CASTOR2: variants seen among roughly 807,000 people sequenced by gnomAD.
CASTOR2 encodes the protein GATS protein like 2.
CASTOR2 carries 8 observed loss-of-function variants against 31.2 expected under a neutral mutation model. That is an observed-to-expected ratio of 0.26 (90% CI 0.15 to 0.46). CASTOR2 has a LOEUF of 0.46. Among genes scored for constraint, CASTOR2 ranks in the 20% least tolerant of loss-of-function variants. The probability of loss-of-function intolerance (pLI) is 0.99; values close to 1 mark genes in which losing one functional copy is unlikely to be tolerated. For missense variants in CASTOR2, 216 were observed against 382.1 expected (o/e 0.57, Z 3.62); for synonymous variants, 162 against 158.7 (o/e 1.02, Z -0.16).
At chr7:75,020,712 A>G (rs1220570454) in intron 6 of CASTOR2, among the ~76,000 whole-genome samples, 1 of 151,696 alleles carries the variant, frequency 6.6e-6, no homozygotes, top group Non-Finnish European at 1.5e-5. Flanking sequence ...GATGGTCTGG[A>G]TCTCCTGACC....
intron 1 of CASTOR2, among the ~76,000 whole-genome samples, chr7:74,982,427 C>T (rs1197262444): frequency 1.3e-5 from 2 of 151,930 alleles, no homozygotes; most frequent in South Asian, 2.1e-4. Flanking sequence ...GCAGATCTCG[C>T]GGTGAATTTC....
At chr7:74,984,688 C>T (rs1414017027) in intron 1 of CASTOR2, among the ~76,000 whole-genome samples, 2 of 152,174 alleles carry the variant, frequency 1.3e-5, no homozygotes, top group South Asian at 2.1e-4. Context: ...AGGCCCACCG[C>T]CATGCCCTTT....
chr7:75,009,336 C>G (rs1169345516), intron 2 of CASTOR2, among the ~76,000 whole-genome samples: 2 of 117,836 alleles, frequency 1.7e-5, no homozygotes, highest in Non-Finnish European at 3.2e-5. Context: ...GTGGTGTGAT[C>G]TCAGCACTGC....
chr7:74,994,375 G>A (rs2131933933), intron 1 of CASTOR2, among the ~76,000 whole-genome samples: 1 of 152,320 alleles, frequency 6.6e-6, no homozygotes, highest in South Asian at 2.1e-4. Flanking sequence ...CATCTATAGG[G>A]TGGTGGCTCA....
chr7:74,974,311 T>C lies in CASTOR2; in HGVS notation c.113+9213T>C, dbSNP rs1344353832. On this transcript the variant is annotated intron_variant, in intron 1 of 8. Transcript: ENST00000616305. ...CTCTGTTCACTGAGAAACCCCGCAG[T>C]GTATACCTGCTGTAGGCAGGGCCTG... Among the ~76,000 whole-genome samples the C allele has an allele frequency of 2.7e-5, 4 of 148,610 alleles. No homozygotes were observed. In the Admixed American group the frequency reaches 2.7e-4, roughly 10 times the overall value.
At chr7:74,983,843 A>T (rs1246139053) in intron 1 of CASTOR2, among the ~76,000 whole-genome samples, 12 of 151,250 alleles carry the variant, frequency 7.9e-5, no homozygotes, top group Admixed American at 3.3e-4. Flanking sequence ...GCCAGAGTTC[A>T]GTGGCAAAAT....
rs1183993469 is a variant in CASTOR2 at position 74,964,858 on chromosome 7, C to T, written c.-128C>T. 9.0e-5 allele frequency: 3 copies of T among 33,252 alleles called. No individual in the cohort carries two copies. The highest frequency in any genetic ancestry group is 3.6e-4 in the African/African-American group (3 of 8,312). The allele number at this position is 33,252 out of a possible 1,614,324, so 2.1% of individuals were successfully genotyped here. On this transcript the variant is annotated 5_prime_UTR_variant, in exon 1 of 9. Coordinates refer to ENST00000616305, the MANE Select transcript of CASTOR2 (RefSeq NM_001145064.3). ...TCCGGCCCGGCCCGGCCGCCGCCGC[C>T]CCCCGCGCCCGGCGCCGAGCTCCCG...
intron 1 of CASTOR2, among the ~76,000 whole-genome samples, chr7:74,973,333 CTTTTTT>C (rs1200356756): frequency 1.2e-5 from 1 of 80,338 alleles, no homozygotes. Flanking sequence ...CTCCAGTAAG[CTTTTTT>C]TTTTTTTTTT....
At chr7:75,019,153 G>A (rs1476486188) in intron 5 of CASTOR2, 58 bp downstream of exon 5, 66 of 1,551,410 alleles carry the variant, frequency 4.3e-5, no homozygotes, top group Admixed American at 2.0e-4. Context: ...GCATGGCTCC[G>A]CCTAGGAGTC....
intron 2 of CASTOR2, among the ~76,000 whole-genome samples, chr7:75,011,827 C>T (rs1804756319): frequency 6.7e-6 from 1 of 149,654 alleles, no homozygotes; most frequent in Non-Finnish European, 1.5e-5. Context: ...ATTAGCTGGG[C>T]GTGGTGGCGC....
At chr7:74,995,778 A>C (rs1804331355) in intron 1 of CASTOR2, among the ~76,000 whole-genome samples, 1 of 151,736 alleles carries the variant, frequency 6.6e-6, no homozygotes, top group Non-Finnish European at 1.5e-5. Flanking sequence ...ACTGCGCTCC[A>C]GCCTGGGCAA....
At chr7:75,023,292 A>T (rs1295751725) in intron 7 of CASTOR2, among the ~76,000 whole-genome samples, 1 of 152,108 alleles carries the variant, frequency 6.6e-6, no homozygotes, top group African/African-American at 2.4e-5. Flanking sequence ...TGGGCGACAG[A>T]GCGAGAGTCC....
Position 75,027,926 on chromosome 7 carries a change from C to T in CASTOR2, c.*3227C>T. Reference sequence around the variant, plus strand: ...CCTGGTCTGCTGGGTGGGAGGGTCTCTCCAGGCCCCAGACCCCACTTGGAG... The same window carrying T: ...CCTGGTCTGCTGGGTGGGAGGGTCTTTCCAGGCCCCAGACCCCACTTGGAG... On this transcript the variant is annotated 3_prime_UTR_variant, in exon 9 of 9. Transcript: ENST00000616305. 7.8e-7 allele frequency: 1 copy of T among 1,274,632 alleles called. No individual in the cohort carries two copies. The highest frequency in any genetic ancestry group is 1.1e-6 in the Non-Finnish European group (1 of 910,912). 79.0% of individuals were successfully genotyped at this position (1,274,632 alleles called of 1,614,324 possible).
chr7:75,007,336 T>G (rs1276153798), intron 1 of CASTOR2, among the ~76,000 whole-genome samples: 1 of 151,950 alleles, frequency 6.6e-6, no homozygotes, highest in Non-Finnish European at 1.5e-5. Context: ...TGGTCCCTGT[T>G]TTTGGAGAAT....
At chr7:74,990,373 ACT>A (rs1422553150) in intron 1 of CASTOR2, among the ~76,000 whole-genome samples, 1 of 127,146 alleles carries the variant, frequency 7.9e-6, no homozygotes, top group African/African-American at 2.7e-5. Flanking sequence ...GGATGGCGAG[ACT>A]CTATCTCAAA....
At chr7:75,023,266 C>T (rs1206265191) in intron 7 of CASTOR2, among the ~76,000 whole-genome samples, 1 of 152,058 alleles carries the variant, frequency 6.6e-6, no homozygotes, top group Non-Finnish European at 1.5e-5. Flanking sequence ...CGAGATGGCG[C>T]CACTGCACTC....
At chr7:74,985,656 G>C (rs1189343858) in intron 1 of CASTOR2, among the ~76,000 whole-genome samples, 1 of 146,016 alleles carries the variant, frequency 6.8e-6, no homozygotes, top group African/African-American at 2.5e-5. Flanking sequence ...TCTCATCCCA[G>C]CTCTGCCCTC....
intron 2 of CASTOR2, among the ~76,000 whole-genome samples, chr7:75,008,437 A>G (rs2131945302): frequency 6.6e-6 from 1 of 152,298 alleles, no homozygotes; most frequent in South Asian, 2.1e-4. Context: ...AGTCGGGCGC[A>G]GTGGCTCACG....
chr7:75,020,256 T>A (rs1804962729), intron 6 of CASTOR2, 107 bp downstream of exon 6: 2 of 1,152,370 alleles, frequency 1.7e-6, no homozygotes, highest in South Asian at 2.8e-5. Context: ...TTGTTGTTTT[T>A]TTTTGATACG....
Sources: allele counts gnomAD v4.1 joint callset (sites outside exome capture counted in the v4.1 genomes callset), GRCh38; gene constraint gnomAD v4.1.1; transcripts MANE v1.5; gene names NCBI Gene and HGNC (gene_info 2026-07-23, HGNC 2026-07-21).